The following INSR variants were observed in gnomAD, a reference collection of about 807,000 sequenced individuals.
The protein encoded by INSR is insulin receptor.
Under a neutral mutation model 142.6 loss-of-function variants are expected in INSR, and 67 were observed. The observed-to-expected ratio is 0.47, with a 90% confidence interval of 0.39 to 0.58. The LOEUF (loss-of-function observed/expected upper bound fraction) is 0.58. Among genes scored for constraint, INSR ranks in the 20% least tolerant of loss-of-function variants. The pLI is 0.00. For synonymous variants in INSR, 756 were observed against 743.1 expected (o/e 1.02, Z -0.28); for missense variants, 1,248 against 1,833.2 (o/e 0.68, Z 5.83).
intron 20 of INSR, among the ~76,000 whole-genome samples, chr19:7,120,137 T>C (rs1473002395): frequency 6.6e-6 from 1 of 152,334 alleles, no homozygotes; most frequent in East Asian, 1.9e-4. Flanking sequence ...TTGGCTCCTT[T>C]GGAGAGGCGC....
rs1187492281 is a variant in INSR, at chr19:7,184,559, G to A, written c.731C>T (p.Ser244Phe). The A allele has an allele frequency of 1.2e-6, 2 of 1,613,714 alleles. No individual in the cohort carries two copies. Among genetic ancestry groups the A allele is most frequent in the African/African-American group, 1.3e-5 (1 of 74,962 alleles). ...CCHSECLGNC[S>F]QPDDPTKCVA... ...GCACTTGGTGGGGTCGTCGGGCTGA[G>A]AACAGTTGCCCAGGCACTCGCTGTG... is the stretch of plus-strand genomic sequence containing the variant. The change falls in exon 3 of 22, where the codon TCT (serine) becomes TTT (phenylalanine). Residue 244 changes from serine (S) to phenylalanine (F), a missense_variant. Ser to Phe is a radical substitution (Grantham distance 155). This residue lies in a region of INSR where 1,069 missense variants were observed against 1,654.0 expected (regional missense o/e 0.65). Transcript: ENST00000302850.
chr19:7,242,433 T>C (rs1976381514), intron 2 of INSR, among the ~76,000 whole-genome samples: 1 of 151,996 alleles, frequency 6.6e-6, no homozygotes, highest in South Asian at 2.1e-4. Flanking sequence ...AATAAAAATG[T>C]TTTTAAAATA....
At chr19:7,194,665 A>C (rs1599983088) in intron 2 of INSR, among the ~76,000 whole-genome samples, 2 of 139,416 alleles carry the variant, frequency 1.4e-5, no homozygotes, top group South Asian at 2.3e-4. Context: ...GGCACACGCC[A>C]CCACACCAAC....
rs1416598684 is a variant in INSR at position 7,150,339 on chromosome 19, G to A, written c.2267+158C>T. ...GCCCAGATTTCATTTCAGAGTGAAGGCATTGGATTTCTGAATTGGTGAAGC... is the reference window on the plus strand; with the variant it reads ...GCCCAGATTTCATTTCAGAGTGAAGACATTGGATTTCTGAATTGGTGAAGC... On this transcript the variant is annotated intron_variant, in intron 11 of 21. Transcript: ENST00000302850. The surrounding 1 kb of genome is among the most constrained non-coding windows in gnomAD (Gnocchi z 4.2). 1.3e-5 allele frequency among the ~76,000 whole-genome samples: 2 copies of A among 152,232 alleles called. No individual in the cohort carries two copies. Among genetic ancestry groups the A allele is most frequent in the Non-Finnish European group, 2.9e-5 (2 of 68,040 alleles).
chr19:7,270,316 T>TTCTCTCTC lies in INSR; in HGVS notation c.101-2428_101-2421dup, dbSNP rs371690798. Among the ~76,000 whole-genome samples the TTCTCTCTC allele has an allele frequency of 2.6e-4, 34 of 128,340 alleles. No individual in the cohort carries two copies. The East Asian group carries it at 3.4e-3, about 13-fold the overall frequency. 84.2% of individuals were successfully genotyped at this position (128,340 alleles called of 152,430 possible). On this transcript the variant is annotated intron_variant, in intron 1 of 21. Coordinates refer to ENST00000302850, the MANE Select transcript of INSR (RefSeq NM_000208.4). ...CCCTGAGTCCCACACTATATTTCAT[T>TTCTCTCTC]TCTCTCTCTCTCTCTCTCTCTCTCA...
chr19:7,163,176 T>C lies in INSR; in HGVS notation c.1885A>G (p.Ile629Val), dbSNP rs1252316061. 6.2e-7 allele frequency: 1 copy of C among 1,613,528 alleles called. No individual in the cohort carries two copies. The highest frequency in any genetic ancestry group is 1.1e-5 in the South Asian group (1 of 91,032). Residue 629 changes from isoleucine to valine, a missense_variant, in exon 9 of 22, where the codon ATC becomes GTC. Physicochemically the swap from Ile to Val is conservative, Grantham distance 29. Around this residue, in one of 3 missense-constraint regions of INSR, gnomAD observed 1,069 missense variants for 1,654.0 expected, o/e 0.65. Transcript: ENST00000302850. ...ATNPSVPLDPISVSNSSSQII... is the reference protein window; with the variant it reads ...ATNPSVPLDPVSVSNSSSQII... ...TGGGATGATGAGTTAGACACTGAGATTGGATCCAGGGGCACAGAGGGGTCT... is the reference window on the plus strand; with the variant it reads ...TGGGATGATGAGTTAGACACTGAGACTGGATCCAGGGGCACAGAGGGGTCT...
chr19:7,291,673 T>C (rs1434056493), intron 1 of INSR, among the ~76,000 whole-genome samples: 1 of 152,190 alleles, frequency 6.6e-6, no homozygotes, highest in Non-Finnish European at 1.5e-5. Context: ...ATCCATTTAC[T>C]GACCCTGAAA....
At chr19:7,236,601 C>A (rs1252121838) in intron 2 of INSR, among the ~76,000 whole-genome samples, 1 of 152,204 alleles carries the variant, frequency 6.6e-6, no homozygotes, top group Admixed American at 6.5e-5. Flanking sequence ...ATGGCTCACG[C>A]CTCTAATCCC....
intron 2 of INSR, among the ~76,000 whole-genome samples, chr19:7,244,802 G>C (rs571876708): frequency 6.6e-6 from 1 of 152,134 alleles, no homozygotes; most frequent in South Asian, 2.1e-4. Context: ...CAGCCTCAAA[G>C]AACATGTTTA....
chr19:7,129,860 C>T (rs1296678504), intron 14 of INSR, among the ~76,000 whole-genome samples: 5 of 152,150 alleles, frequency 3.3e-5, no homozygotes, highest in Admixed American at 2.0e-4. Flanking sequence ...GTCTCAGCCT[C>T]CCAAGTACCT....
intron 9 of INSR, among the ~76,000 whole-genome samples, chr19:7,154,412 C>T (rs1460939203): frequency 1.4e-5 from 2 of 146,144 alleles, no homozygotes; most frequent in African/African-American, 2.5e-5. Flanking sequence ...ATGGCATTCT[C>T]CTGCCTCAGC....
intron 3 of INSR, among the ~76,000 whole-genome samples, chr19:7,182,903 C>G (rs1974311344): frequency 8.0e-6 from 1 of 124,638 alleles, no homozygotes; most frequent in African/African-American, 2.8e-5. Flanking sequence ...TGGGAATACA[C>G]TGGCCAAAAA....
intron 1 of INSR, among the ~76,000 whole-genome samples, chr19:7,288,399 A>G (rs960469640): frequency 6.6e-6 from 1 of 151,990 alleles, no homozygotes; most frequent in Non-Finnish European, 1.5e-5. Flanking sequence ...GTTTCTCAGA[A>G]GGCCAAGGCA....
chr19:7,260,894 T>A (rs1977039448), intron 2 of INSR, among the ~76,000 whole-genome samples: 1 of 150,966 alleles, frequency 6.6e-6, no homozygotes, highest in Non-Finnish European at 1.5e-5. Context: ...TTTTTTTTTT[T>A]AAAGACAGAG....
At chr19:7,243,782 G>A (rs185699011) in intron 2 of INSR, among the ~76,000 whole-genome samples, 7 of 152,254 alleles carry the variant, frequency 4.6e-5, no homozygotes, top group Middle Eastern at 3.4e-3. Context: ...CTAGCAAATC[G>A]AATTCAACGT....
intron 2 of INSR, among the ~76,000 whole-genome samples, chr19:7,199,110 G>T (rs1439470644): frequency 6.6e-6 from 1 of 151,906 alleles, no homozygotes; most frequent in Non-Finnish European, 1.5e-5. Context: ...AGAACTCCTG[G>T]CCTCAAGTGA....
At chr19:7,126,965 C>G (rs556480889) in intron 15 of INSR, among the ~76,000 whole-genome samples, 61 of 152,040 alleles carry the variant, frequency 4.0e-4, no homozygotes, top group African/African-American at 1.4e-3. Context: ...GTGGTATAAT[C>G]ATAGCTCACT....
At position 7,174,651 on chromosome 19, in the gene INSR, G is replaced by A. The variant is rs1246004221; in HGVS notation, c.1055C>T (p.Thr352Met). ...LEGEKTIDSV[T>M]SAQELRGCTV... ...GCATCCTCGGAGCTCCTGGGCAGAC[G>A]TCACCGAGTCGATGGTCTTCTCGCC... Residue 352 changes from threonine to methionine, a missense_variant, in exon 4 of 22, where the codon ACG (threonine) becomes ATG (methionine). Transcript: ENST00000302850. 5.6e-6 allele frequency: 9 copies of A among 1,613,996 alleles called. No individual in the cohort carries two copies. The highest frequency in any genetic ancestry group is 1.3e-5 in the African/African-American group (1 of 74,992).
At chr19:7,268,937 C>G (rs951838934) in intron 1 of INSR, among the ~76,000 whole-genome samples, 1 of 151,730 alleles carries the variant, frequency 6.6e-6, no homozygotes, top group Non-Finnish European at 1.5e-5. Context: ...CTTGGCACAC[C>G]TATTTGCGTG....
Sources: allele counts gnomAD v4.1 joint callset (sites outside exome capture counted in the v4.1 genomes callset), GRCh38; gene constraint gnomAD v4.1.1; regional missense constraint gnomAD v4.1.1; non-coding constraint Gnocchi (gnomAD v3.1); transcripts MANE v1.5; gene names NCBI Gene and HGNC (gene_info 2026-07-23, HGNC 2026-07-21).